Variants in LARS2 observed in about 807,000 individuals in gnomAD.
LARS2 encodes the protein leucine--tRNA ligase, mitochondrial.
Under a neutral mutation model 116.6 loss-of-function variants are expected in LARS2, and 81 were observed. The observed-to-expected ratio is 0.69, with a 90% CI of 0.58 to 0.84. The LOEUF (loss-of-function observed/expected upper bound fraction) is 0.84. LARS2 is among the 40% of genes least tolerant of loss of function. The pLI is 0.00. For synonymous variants in LARS2, 396 were observed against 407.2 expected (o/e 0.97, Z 0.33); for missense variants, 968 against 1,114.5 (o/e 0.87, Z 1.87).
At chr3:45,393,834 G>A (rs1156838778) in intron 2 of LARS2, among the ~76,000 whole-genome samples, 2 of 152,068 alleles carry the variant, frequency 1.3e-5, no homozygotes, top group Non-Finnish European at 2.9e-5. Flanking sequence ...TAAAAAGTAA[G>A]TAAATAAATA....
Position 45,415,024 on chromosome 3 carries a change from TGTCAA to T in LARS2, c.364-2457_364-2453del, listed in dbSNP as rs774643778. ...CTGTCCCCTGATGCCACAGCAGATG[TGTCAA>T]ACCATTTTTCCTGCTCATGGCATGT... On this transcript the variant is annotated intron_variant, in intron 4 of 21. Coordinates refer to ENST00000645846, the MANE Select transcript of LARS2 (RefSeq NM_015340.4). Among the ~76,000 whole-genome samples, 321 of 152,316 alleles carry T rather than the reference TGTCAA, an allele frequency of 2.1e-3. 1 individual carries two copies. Among genetic ancestry groups the T allele is most frequent in the Non-Finnish European group, 2.8e-3 (192 of 68,024 alleles).
intron 6 of LARS2, among the ~76,000 whole-genome samples, chr3:45,428,329 C>T (rs1231275988): frequency 4.7e-5 from 7 of 148,524 alleles, no homozygotes; most frequent in African/African-American, 1.7e-4. Flanking sequence ...CTGCAAGCTC[C>T]ACCTCCTAGG....
At chr3:45,454,128 A>G (rs1027070518) in intron 7 of LARS2, among the ~76,000 whole-genome samples, 2 of 152,188 alleles carry the variant, frequency 1.3e-5, no homozygotes, top group Non-Finnish European at 2.9e-5. Flanking sequence ...GGCAGCAAGC[A>G]CCACAGCTGC....
chr3:45,444,740 T>C (rs1228576071), intron 6 of LARS2, among the ~76,000 whole-genome samples: 1 of 150,140 alleles, frequency 6.7e-6, no homozygotes, highest in East Asian at 2.0e-4. Flanking sequence ...AGCAGATTCA[T>C]CGGCTTAGAG....
Position 45,454,045 on chromosome 3 carries a change from G to C in LARS2, c.607-4698G>C, listed in dbSNP as rs1175830336. ...CGAGGCAGGGAGGCAAGGCAAGGAG[G>C]ATCTGAGGGAAGAGGAGGAATGGTA... On this transcript the variant is annotated intron_variant, in intron 7 of 21. Coordinates refer to ENST00000645846, the MANE Select transcript of LARS2 (RefSeq NM_015340.4). 3.3e-5 allele frequency among the ~76,000 whole-genome samples: 5 copies of C among 152,242 alleles called. No individual in the cohort carries two copies. In the East Asian group the frequency reaches 5.8e-4, roughly 18 times the overall value.
chr3:45,400,836 C>T (rs545123129), intron 4 of LARS2, among the ~76,000 whole-genome samples: 12 of 151,330 alleles, frequency 7.9e-5, no homozygotes, highest in South Asian at 2.1e-4. Context: ...TTTTTTGAGG[C>T]GGAGTCTTGC....
In LARS2 at chr3:45,524,239, C is replaced by T. The variant is rs539256314; in HGVS notation, c.2404+131C>T. The T allele has an allele frequency of 2.3e-4, 144 of 625,208 alleles. 1 individual carries two copies. In the South Asian group the frequency reaches 2.8e-3, roughly 12 times the overall value. 38.7% of individuals were successfully genotyped at this position (625,208 alleles called of 1,614,324 possible). On this transcript the variant is annotated intron_variant, in intron 20 of 21. Transcript: ENST00000645846. ...ACATTTGGCATCTATACTCAGCAAC[C>T]TCTCTGTCCTGTACTCTGAATGGTA...
intron 10 of LARS2, among the ~76,000 whole-genome samples, chr3:45,480,520 T>G (rs1344148954): frequency 1.3e-5 from 2 of 152,386 alleles, no homozygotes; most frequent in East Asian, 3.9e-4. Context: ...TTTGCTGTTA[T>G]CTAACTACTA....
At chr3:45,428,546 A>G (rs1462173236) in intron 6 of LARS2, among the ~76,000 whole-genome samples, 1 of 151,964 alleles carries the variant, frequency 6.6e-6, no homozygotes, top group Non-Finnish European at 1.5e-5. Context: ...CGCCCAGCCT[A>G]TCTTAACCAT....
rs185128905 is a variant in LARS2 at position 45,403,536 on chromosome 3, G to A, written c.363+3163G>A. On this transcript the variant is annotated intron_variant, in intron 4 of 21. Transcript: ENST00000645846. ...TCACCATGTTGGTCAGGCTGGTCTC[G>A]AACTCCTGACCTCAGATGATCCGCC... is the stretch of plus-strand genomic sequence containing the variant. Among the ~76,000 whole-genome samples, 15 of 152,220 alleles carry A rather than the reference G, an allele frequency of 9.9e-5. No homozygotes were observed. The East Asian group carries it at 1.4e-3, about 14-fold the overall frequency.
chr3:45,460,909 A>C (rs955566978), intron 8 of LARS2, among the ~76,000 whole-genome samples: 1 of 152,236 alleles, frequency 6.6e-6, no homozygotes, highest in African/African-American at 2.4e-5. Flanking sequence ...AAAGGAACTT[A>C]CAGAACAAAA....
intron 7 of LARS2, among the ~76,000 whole-genome samples, chr3:45,448,865 C>G (rs1699065470): frequency 6.6e-6 from 1 of 152,246 alleles, no homozygotes; most frequent in Non-Finnish European, 1.5e-5. Context: ...TTATGGCCAT[C>G]ATGAACATGT....
chr3:45,497,511 T>C (rs1700035121), intron 14 of LARS2, among the ~76,000 whole-genome samples: 1 of 152,208 alleles, frequency 6.6e-6, no homozygotes, highest in Admixed American at 6.5e-5. Context: ...TTCGTGGTTC[T>C]AAAATAATAT....
intron 20 of LARS2, among the ~76,000 whole-genome samples, chr3:45,531,372 T>G (rs1461176909): frequency 6.6e-6 from 1 of 152,030 alleles, no homozygotes; most frequent in African/African-American, 2.4e-5. Context: ...CTTTTAAATT[T>G]TTTTAAATTT....
chr3:45,437,630 G>A (rs1205945355), intron 6 of LARS2, among the ~76,000 whole-genome samples: 1 of 152,164 alleles, frequency 6.6e-6, no homozygotes, highest in East Asian at 1.9e-4. Context: ...CTGCTGGCTG[G>A]GACTATAGAT....
chr3:45,519,225 C>T (rs1442518474), intron 18 of LARS2, among the ~76,000 whole-genome samples: 1 of 152,082 alleles, frequency 6.6e-6, no homozygotes, highest in Non-Finnish European at 1.5e-5. Flanking sequence ...GGCGCAGTGG[C>T]TCACACCTAT....
chr3:45,468,036 C>T lies in LARS2; in HGVS notation c.751-6207C>T, dbSNP rs149574187. On this transcript the variant is annotated intron_variant, in intron 8 of 21. Transcript: ENST00000645846. ...TCACTTGAGCCCCAGGAGGTCGAGGCTGCAGTGAGCCGAGATCACCCCACT... is the reference window on the plus strand; with the variant it reads ...TCACTTGAGCCCCAGGAGGTCGAGGTTGCAGTGAGCCGAGATCACCCCACT... Among the ~76,000 whole-genome samples, 538 of 152,016 alleles carry T rather than the reference C, an allele frequency of 3.5e-3. 3 individuals carry two copies. Among genetic ancestry groups the T allele is most frequent in the African/African-American group, 0.012 (518 of 41,444 alleles).
At chr3:45,510,312 G>C (rs1354718423) in intron 15 of LARS2, among the ~76,000 whole-genome samples, 1 of 152,008 alleles carries the variant, frequency 6.6e-6, no homozygotes, top group Admixed American at 6.6e-5. Flanking sequence ...TGCTTGCAGG[G>C]GTAAGGTGGG....
intron 20 of LARS2, 113 bp from the exon 21 acceptor site, chr3:45,541,716 G>A (rs1482858103): frequency 2.1e-5 from 29 of 1,369,564 alleles, no homozygotes; most frequent in South Asian, 2.9e-5. Flanking sequence ...GCTTCCCACC[G>A]GCTCCTCACA....
Sources: allele counts gnomAD v4.1 joint callset (sites outside exome capture counted in the v4.1 genomes callset), GRCh38; gene constraint gnomAD v4.1.1; transcripts MANE v1.5; gene names NCBI Gene and HGNC (gene_info 2026-07-23, HGNC 2026-07-21).